The following ZNF722 variants were observed in gnomAD, a reference collection of about 807,000 sequenced individuals.
ZNF722 encodes the protein zinc finger protein 479 pseudogene.
At chr7:63,999,032 C>A in the ZNF722 span, 1 of 1,569,246 alleles carries the variant, frequency 6.4e-7, no homozygotes, top group East Asian at 2.2e-5. Context: ...GTGAGAGGGG[C>A]GGGAGACGGT....
At chr7:64,002,246 G>A in the ZNF722 span, among the ~76,000 whole-genome samples, 1 of 152,030 alleles carries the variant, frequency 6.6e-6, no homozygotes, top group Non-Finnish European at 1.5e-5. Context: ...TTTGTCTTTT[G>A]TGAGCTTTGA....
At chr7:64,011,195 CTT>C in the ZNF722 span, among the ~76,000 whole-genome samples, 33 of 152,150 alleles carry the variant, frequency 2.2e-4, no homozygotes, top group South Asian at 6.0e-3. Context: ...GGTCTTGACT[CTT>C]TATCCAATTT....
the ZNF722 span, among the ~76,000 whole-genome samples, chr7:64,004,331 C>T: frequency 3.4e-5 from 5 of 146,608 alleles, no homozygotes; most frequent in Non-Finnish European, 7.4e-5. Context: ...ATTGCTTGAA[C>T]TCAGGAGGTG....
the ZNF722 span, among the ~76,000 whole-genome samples, chr7:64,003,083 G>T: frequency 6.6e-6 from 1 of 152,172 alleles, no homozygotes; most frequent in Non-Finnish European, 1.5e-5. Flanking sequence ...TTATAAACTT[G>T]AGGGGTTCAA....
the ZNF722 span, chr7:64,006,268 A>C: frequency 9.2e-6 from 12 of 1,310,952 alleles, no homozygotes; most frequent in Non-Finnish European, 1.3e-5. Context: ...TCTGGAGCAA[A>C]ATAAAGAGGC....
chr7:64,012,826 G>C, the ZNF722 span, among the ~76,000 whole-genome samples: 1 of 152,214 alleles, frequency 6.6e-6, no homozygotes, highest in East Asian at 1.9e-4. Context: ...TGTTTGCATC[G>C]TGGAGACAAA....
At chr7:64,002,585 AAAT>A in the ZNF722 span, among the ~76,000 whole-genome samples, 1 of 152,258 alleles carries the variant, frequency 6.6e-6, no homozygotes, top group East Asian at 1.9e-4. Flanking sequence ...ACATAAGAAG[AAAT>A]AAAAATGCTG....
the ZNF722 span, among the ~76,000 whole-genome samples, chr7:64,017,585 G>A: frequency 6.6e-6 from 1 of 152,106 alleles, no homozygotes; most frequent in Admixed American, 6.6e-5. Context: ...CAAACTTTGT[G>A]GAACATCAGA....
At chr7:64,011,883 C>T in the ZNF722 span, among the ~76,000 whole-genome samples, 5 of 152,202 alleles carry the variant, frequency 3.3e-5, no homozygotes, top group African/African-American at 1.2e-4. Context: ...CTTTCAGGTA[C>T]ACCAATCAAA....
chr7:64,005,684 C>T, the ZNF722 span: 6 of 1,551,512 alleles, frequency 3.9e-6, no homozygotes, highest in Non-Finnish European at 5.3e-6. Context: ...TTGTGCTCAG[C>T]AGAATTTATA....
chr7:64,002,443 G>A, the ZNF722 span, among the ~76,000 whole-genome samples: 1 of 152,004 alleles, frequency 6.6e-6, no homozygotes, highest in Non-Finnish European at 1.5e-5. Context: ...TTTTGTGTCT[G>A]CCTTAATTTC....
the ZNF722 span, among the ~76,000 whole-genome samples, chr7:64,013,963 C>G: frequency 6.6e-6 from 1 of 151,808 alleles, no homozygotes; most frequent in East Asian, 1.9e-4. Flanking sequence ...CAGTTCTTTT[C>G]TGACCTGCAA....
At chr7:64,004,423 AAAATATATATATAT>A in the ZNF722 span, among the ~76,000 whole-genome samples, 12 of 61,712 alleles carry the variant, frequency 1.9e-4, 1 homozygote, top group African/African-American at 5.5e-4. Context: ...AAAAAAAAAA[AAAATATATATATAT>A]ATATATATAT....
At chr7:64,010,829 A>G in the ZNF722 span, among the ~76,000 whole-genome samples, 1 of 152,118 alleles carries the variant, frequency 6.6e-6, no homozygotes, top group Non-Finnish European at 1.5e-5. Context: ...GATCTGTCTA[A>G]TATTGACAGT....
the ZNF722 span, among the ~76,000 whole-genome samples, chr7:64,000,801 C>T: frequency 0.015 from 2,237 of 150,236 alleles, 21 homozygotes; most frequent in Non-Finnish European, 0.021. Context: ...GGGAGCAGGA[C>T]GGAGTCTCAC....
the ZNF722 span, among the ~76,000 whole-genome samples, chr7:64,007,786 T>C: frequency 1.3e-5 from 2 of 152,336 alleles, no homozygotes; most frequent in African/African-American, 4.8e-5. Flanking sequence ...TCAAATGGTA[T>C]TTCTAGTTCT....
the ZNF722 span, among the ~76,000 whole-genome samples, chr7:64,017,201 T>C: frequency 6.6e-6 from 1 of 152,120 alleles, no homozygotes; most frequent in Non-Finnish European, 1.5e-5. Flanking sequence ...CTGGCCAACA[T>C]GGTGAAAGCC....
At chr7:64,013,025 C>T in the ZNF722 span, among the ~76,000 whole-genome samples, 2 of 152,074 alleles carry the variant, frequency 1.3e-5, no homozygotes, top group Admixed American at 6.6e-5. Context: ...ATATCCTCAC[C>T]AGAAGCAGAT....
At chr7:64,011,088 T>C in the ZNF722 span, among the ~76,000 whole-genome samples, 306 of 151,880 alleles carry the variant, frequency 2.0e-3, 1 homozygote, top group African/African-American at 6.7e-3. Context: ...TTGCTTTCCA[T>C]TTTTTTGGTG....
Sources: allele counts gnomAD v4.1 joint callset (sites outside exome capture counted in the v4.1 genomes callset), GRCh38; gene constraint gnomAD v4.1.1; transcripts MANE v1.5; gene names NCBI Gene and HGNC (gene_info 2026-07-23, HGNC 2026-07-21).